Variants in MARCHF1 observed in about 807,000 individuals in gnomAD.
The protein encoded by MARCHF1 is membrane associated ring-CH-type finger 1.
In MARCHF1, 40 loss-of-function variants were observed where a neutral mutation model predicts 54.2. The observed-to-expected ratio is 0.74, with a 90% CI of 0.57 to 0.96. The LOEUF (loss-of-function observed/expected upper bound fraction) is 0.96. Ranked by LOEUF, MARCHF1 falls within the 40% of genes least tolerant of loss-of-function variation. The pLI is 0.00. For synonymous variants in MARCHF1, 236 were observed against 236.3 expected, an observed-to-expected ratio of 1.00 and a Z score of 0.01; for missense variants, 586 against 656.5, an observed-to-expected ratio of 0.89 and a Z score of 1.17.
chr4:163,645,793 A>G (rs1162612583), intron 5 of MARCHF1, among the ~76,000 whole-genome samples: 2 of 152,178 alleles, frequency 1.3e-5, no homozygotes, highest in African/African-American at 2.4e-5. Context: ...AATTCAAGGA[A>G]CAAAAAGAAT....
intron 1 of MARCHF1, among the ~76,000 whole-genome samples, chr4:164,146,865 CT>C (rs1437273089): frequency 6.6e-6 from 1 of 151,000 alleles, no homozygotes; most frequent in Non-Finnish European, 1.5e-5. Flanking sequence ...GCAAAAGAAA[CT>C]ACCATCAGAG....
chr4:163,936,616 G>A (rs776586535), intron 3 of MARCHF1, among the ~76,000 whole-genome samples: 2 of 152,152 alleles, frequency 1.3e-5, no homozygotes, highest in Non-Finnish European at 2.9e-5. Flanking sequence ...CTGGGACTGA[G>A]GCCTCTGGGA....
At position 164,063,755 on chromosome 4, in the gene MARCHF1, G is replaced by A. The variant is rs60907150; in HGVS notation, c.-248+47833C>T. ...AATAGCACTTGTGCATTCTATATAC[G>A]AGTATAGTCAGATAAACTGTGTTAT... On this transcript the variant is annotated intron_variant, in intron 2 of 9. Transcript: ENST00000514618. Among the ~76,000 whole-genome samples, 923 of 152,094 alleles carry A rather than the reference G, an allele frequency of 6.1e-3. 18 individuals are homozygous for A. Among genetic ancestry groups the A allele is most frequent in the African/African-American group, 0.021 (884 of 41,490 alleles).
intron 2 of MARCHF1, among the ~76,000 whole-genome samples, chr4:164,084,477 T>G (rs1755157576): frequency 6.6e-6 from 1 of 151,878 alleles, no homozygotes; most frequent in Non-Finnish European, 1.5e-5. Context: ...AATTTCCACA[T>G]TTTCCATGCT....
chr4:163,673,942 T>C (rs1422458381), intron 5 of MARCHF1, among the ~76,000 whole-genome samples: 2 of 152,168 alleles, frequency 1.3e-5, no homozygotes, highest in Non-Finnish European at 2.9e-5. Flanking sequence ...AGTAGGAATA[T>C]GAATTCCACG....
chr4:163,679,737 C>G (rs1213315579), intron 5 of MARCHF1, among the ~76,000 whole-genome samples: 1 of 151,926 alleles, frequency 6.6e-6, no homozygotes, highest in Non-Finnish European at 1.5e-5. Context: ...CTCAGCCTCC[C>G]GAGTAGCTGG....
intron 3 of MARCHF1, among the ~76,000 whole-genome samples, chr4:163,983,868 A>G (rs1347333140): frequency 6.6e-6 from 1 of 152,126 alleles, no homozygotes; most frequent in Non-Finnish European, 1.5e-5. Flanking sequence ...GTAAGACTTG[A>G]GCCCAGAGTA....
intron 5 of MARCHF1, among the ~76,000 whole-genome samples, chr4:163,682,950 G>C (rs938354011): frequency 3.9e-5 from 6 of 152,092 alleles, no homozygotes; most frequent in Non-Finnish European, 7.4e-5. Context: ...TTATAGTTTA[G>C]TACAGCAAAA....
intron 4 of MARCHF1, among the ~76,000 whole-genome samples, chr4:163,756,178 C>T (rs1487812595): frequency 6.6e-6 from 1 of 152,148 alleles, no homozygotes; most frequent in Non-Finnish European, 1.5e-5. Flanking sequence ...AGCCCACGTA[C>T]AAGGTTGAAC....
At chr4:164,300,847 C>T (rs905882414) in intron 1 of MARCHF1, among the ~76,000 whole-genome samples, 1 of 152,166 alleles carries the variant, frequency 6.6e-6, no homozygotes, top group African/African-American at 2.4e-5. Flanking sequence ...GCACCAAATA[C>T]ATGCAAATGG....
chr4:164,309,327 T>C (rs937272502), intron 1 of MARCHF1, among the ~76,000 whole-genome samples: 1 of 152,016 alleles, frequency 6.6e-6, no homozygotes. Flanking sequence ...TGCTTTTGTC[T>C]GCATGTCTGC....
At chr4:163,746,147 C>G (rs1244443126) in intron 4 of MARCHF1, among the ~76,000 whole-genome samples, 1 of 152,208 alleles carries the variant, frequency 6.6e-6, no homozygotes, top group African/African-American at 2.4e-5. Context: ...CCTAAAAATT[C>G]TCTGTGCTCT....
intron 5 of MARCHF1, among the ~76,000 whole-genome samples, chr4:163,662,732 C>T (rs1376300601): frequency 2.0e-5 from 3 of 151,918 alleles, no homozygotes; most frequent in Non-Finnish European, 4.4e-5. Flanking sequence ...GGTACTCAGG[C>T]CGGATTGTTT....
At chr4:163,847,261 C>T (rs1749510934) in intron 4 of MARCHF1, among the ~76,000 whole-genome samples, 1 of 152,098 alleles carries the variant, frequency 6.6e-6, no homozygotes, top group African/African-American at 2.4e-5. Context: ...ACTTTTAATA[C>T]ATCTACTCTA....
Position 163,550,507 on chromosome 4 carries a change from CT to C in MARCHF1, c.1192-4765del, listed in dbSNP as rs35963243. On this transcript the variant is annotated intron_variant, in intron 8 of 9. Coordinates refer to ENST00000514618, the MANE Select transcript of MARCHF1 (RefSeq NM_001394959.1). ...CCAAACAGTAGCTAGTACGGTAGCC[CT>C]TTTTTTTTTTTTTTTTGGTACCGCC... Among the ~76,000 whole-genome samples the C allele has an allele frequency of 7.4e-3, 1,052 of 142,180 alleles. 10 individuals are homozygous for C. The highest frequency in any genetic ancestry group is 0.034 in the Middle Eastern group (9 of 268). 93.3% of individuals were successfully genotyped at this position (142,180 alleles called of 152,430 possible). A position where few individuals can be genotyped will look rare whatever the true frequency, so the allele number is the denominator to read the frequency against.
chr4:164,146,517 T>C lies in MARCHF1; in HGVS notation c.-322-34855A>G, dbSNP rs1021083703. 3.2e-3 allele frequency among the ~76,000 whole-genome samples: 488 copies of C among 152,218 alleles called. 1 individual carries two copies. Among genetic ancestry groups the C allele is most frequent in the African/African-American group, 0.011 (462 of 41,534 alleles). On this transcript the variant is annotated intron_variant, in intron 1 of 9. Transcript: ENST00000514618. ...AGAACAGAGCCCTCAGAAATAACGC[T>C]GCATATCTACAAGTATCTGATCTTT...
chr4:163,690,683 G>C (rs1744418049), intron 5 of MARCHF1, among the ~76,000 whole-genome samples: 1 of 152,088 alleles, frequency 6.6e-6, no homozygotes, highest in South Asian at 2.1e-4. Context: ...AAAAAAGGAG[G>C]GGATATATTT....
intron 2 of MARCHF1, among the ~76,000 whole-genome samples, chr4:164,039,835 AT>A (rs1215944452): frequency 1.3e-5 from 2 of 151,788 alleles, no homozygotes; most frequent in Admixed American, 1.3e-4. Context: ...GAATAGGTAG[AT>A]TTTTAGCATG....
chr4:163,781,185 T>G (rs963880121), intron 4 of MARCHF1, among the ~76,000 whole-genome samples: 1 of 152,160 alleles, frequency 6.6e-6, no homozygotes, highest in African/African-American at 2.4e-5. Flanking sequence ...ACCCCGTCTC[T>G]ACTGAAAATA....
Sources: gnomAD v4.1 joint callset for allele counts (sites outside exome capture counted in the v4.1 genomes callset) on GRCh38, gnomAD v4.1.1 for gene constraint, MANE v1.5 for transcripts, NCBI Gene and HGNC (gene_info 2026-07-23, HGNC 2026-07-21) for gene names.